MYRIP: variants seen among roughly 807,000 people sequenced by gnomAD.
The protein encoded by MYRIP is myosin VIIA and Rab interacting protein, also known as rab effector MyRIP.
A neutral mutation model predicts 98.0 loss-of-function variants in MYRIP; 49 were observed. The ratio of observed to expected loss-of-function variants is 0.50; its 90% CI spans 0.40 to 0.63. MYRIP has a LOEUF of 0.63. Among genes scored for constraint, MYRIP ranks in the 30% least tolerant of loss-of-function variants. The pLI is 0.00. For synonymous variants in MYRIP, 404 were observed against 409.5 expected (o/e 0.99, Z 0.16); for missense variants, 1,004 against 1,058.2 (o/e 0.95, Z 0.71).
intron 3 of MYRIP, among the ~76,000 whole-genome samples, chr3:40,136,252 G>T (rs966801113): frequency 5.3e-5 from 8 of 152,146 alleles, no homozygotes; most frequent in East Asian, 1.9e-4. Context: ...TGATAAAACA[G>T]ACTTTAAACC....
In MYRIP at chr3:39,864,146, A is replaced by G. The variant is rs1186787522; in HGVS notation, c.-30-36641A>G. Reference sequence around the variant, plus strand: ...AATAAACTAGGCATTGAGGGAACATACTTCAAAATAGTAAGAGCCATCTGT... The same window carrying G: ...AATAAACTAGGCATTGAGGGAACATGCTTCAAAATAGTAAGAGCCATCTGT... On this transcript the variant is annotated intron_variant, in intron 1 of 16. Transcript: ENST00000302541. Among the ~76,000 whole-genome samples, 3 of 152,264 alleles carry G rather than the reference A, an allele frequency of 2.0e-5. No individual in the cohort carries two copies. The East Asian group carries it at 5.8e-4, about 29-fold the overall frequency.
At chr3:40,064,150 C>A (rs1475554267) in intron 3 of MYRIP, among the ~76,000 whole-genome samples, 5 of 152,050 alleles carry the variant, frequency 3.3e-5, no homozygotes, top group Admixed American at 6.5e-5. Context: ...TGTCAACATT[C>A]TCCACCTTAT....
intron 4 of MYRIP, among the ~76,000 whole-genome samples, chr3:40,153,614 AGGT>A (rs1166535582): frequency 6.6e-6 from 1 of 152,212 alleles, no homozygotes; most frequent in Admixed American, 6.5e-5. Flanking sequence ...TATTATTCCA[AGGT>A]ACAGCCAAGA....
chr3:40,000,005 A>C (rs1946477285), intron 2 of MYRIP, among the ~76,000 whole-genome samples: 1 of 135,010 alleles, frequency 7.4e-6, no homozygotes, highest in South Asian at 2.6e-4. Flanking sequence ...GAAGGAGAAC[A>C]TCACACACCA....
intron 2 of MYRIP, among the ~76,000 whole-genome samples, chr3:39,926,407 C>A (rs1166825660): frequency 4.6e-5 from 7 of 151,992 alleles, no homozygotes; most frequent in African/African-American, 1.7e-4. Flanking sequence ...AAATTCCTTG[C>A]CAAGGTCGAT....
chr3:40,001,020 G>A (rs1946506728), intron 2 of MYRIP, among the ~76,000 whole-genome samples: 1 of 152,128 alleles, frequency 6.6e-6, no homozygotes, highest in African/African-American at 2.4e-5. Flanking sequence ...ACTGCTGCTG[G>A]TGGACCAGAT....
At chr3:40,045,748 C>A (rs112311543) in intron 3 of MYRIP, among the ~76,000 whole-genome samples, 4,237 of 152,244 alleles carry the variant, frequency 0.028, 91 homozygotes, top group Non-Finnish European at 0.038. Flanking sequence ...TTCTTTCAAT[C>A]TTCCCACAGA....
intron 2 of MYRIP, among the ~76,000 whole-genome samples, chr3:39,940,208 C>T (rs1427996478): frequency 6.6e-6 from 1 of 151,934 alleles, no homozygotes; most frequent in African/African-American, 2.4e-5. Context: ...TTTGTGCATG[C>T]ATTTTGAATC....
chr3:39,982,528 A>G (rs1004961505), intron 2 of MYRIP, among the ~76,000 whole-genome samples: 3 of 152,208 alleles, frequency 2.0e-5, no homozygotes, highest in Non-Finnish European at 4.4e-5. Context: ...ATAAATAACA[A>G]TAATTGCTAA....
chr3:40,136,067 C>G (rs1353667778), intron 3 of MYRIP, among the ~76,000 whole-genome samples: 2 of 152,132 alleles, frequency 1.3e-5, no homozygotes, highest in Non-Finnish European at 2.9e-5. Flanking sequence ...CTAAATGCTC[C>G]AACTAAAAGA....
In MYRIP at chr3:40,195,350, C is replaced by G. The variant is rs775266934; in HGVS notation, c.1665+4887C>G. Among the ~76,000 whole-genome samples, 67 of 152,272 alleles carry G rather than the reference C, an allele frequency of 4.4e-4. No individual in the cohort carries two copies. The Middle Eastern group carries it at 0.01, about 23-fold the overall frequency. On this transcript the variant is annotated intron_variant, in intron 10 of 16. Transcript: ENST00000302541. ...TTGTTCTGTCACCCATGCTGGAGTGCAGTGGCACAACGGCTCACTGCAGCC... is the reference window on the plus strand; with the variant it reads ...TTGTTCTGTCACCCATGCTGGAGTGGAGTGGCACAACGGCTCACTGCAGCC...
chr3:40,194,675 T>C (rs1042634746), intron 10 of MYRIP, among the ~76,000 whole-genome samples: 1 of 152,194 alleles, frequency 6.6e-6, no homozygotes, highest in African/African-American at 2.4e-5. Flanking sequence ...TTGATATCTC[T>C]GTAATATTAA....
intron 3 of MYRIP, among the ~76,000 whole-genome samples, chr3:40,105,129 T>A (rs2125895888): frequency 6.6e-6 from 1 of 152,310 alleles, no homozygotes; most frequent in East Asian, 1.9e-4. Context: ...ACAGGAGAAT[T>A]TAGCCTCTTC....
intron 2 of MYRIP, among the ~76,000 whole-genome samples, chr3:39,974,703 G>A (rs1375150937): frequency 6.6e-6 from 1 of 152,126 alleles, no homozygotes; most frequent in Non-Finnish European, 1.5e-5. Flanking sequence ...TTTCCACCAT[G>A]ATCAAGTGGG....
At chr3:39,995,608 C>A (rs1170971455) in intron 2 of MYRIP, among the ~76,000 whole-genome samples, 2 of 152,188 alleles carry the variant, frequency 1.3e-5, no homozygotes, top group African/African-American at 4.8e-5. Context: ...TTGGAAAACA[C>A]TCTGCAGGAT....
intron 3 of MYRIP, among the ~76,000 whole-genome samples, chr3:40,123,830 C>T (rs1270470994): frequency 3.9e-5 from 6 of 152,158 alleles, no homozygotes; most frequent in Admixed American, 3.9e-4. Flanking sequence ...CTGTTTCTAG[C>T]GGGTGGATGG....
In MYRIP at chr3:40,244,617, C is replaced by A; in HGVS notation, c.2262+10C>A. The A allele has an allele frequency of 6.2e-7, 1 of 1,606,776 alleles. No individual in the cohort carries two copies. Among genetic ancestry groups the A allele is most frequent in the Non-Finnish European group, 8.5e-7 (1 of 1,176,602 alleles). On this transcript the variant is annotated intron_variant, in intron 13 of 16. Transcript: ENST00000302541. ...CCATGCTGAACTCCAGGTGAGAACTCTCCTCTCTGCCCACATGGGTCCTGC... is the reference window on the plus strand; with the variant it reads ...CCATGCTGAACTCCAGGTGAGAACTATCCTCTCTGCCCACATGGGTCCTGC...
intron 3 of MYRIP, among the ~76,000 whole-genome samples, chr3:40,068,471 C>G (rs551164160): frequency 2.7e-4 from 41 of 152,300 alleles, no homozygotes; most frequent in African/African-American, 9.6e-4. Context: ...AAGCTGGAAC[C>G]AGAGTTACAC....
intron 3 of MYRIP, among the ~76,000 whole-genome samples, chr3:40,113,815 G>T (rs773496366): frequency 6.6e-6 from 1 of 151,880 alleles, no homozygotes; most frequent in Non-Finnish European, 1.5e-5. Context: ...TCAGCCTCCC[G>T]AGTAGCTGGA....
Sources: allele counts gnomAD v4.1 joint callset (sites outside exome capture counted in the v4.1 genomes callset), GRCh38; gene constraint gnomAD v4.1.1; transcripts MANE v1.5; gene names NCBI Gene and HGNC (gene_info 2026-07-23, HGNC 2026-07-21).